The following PTAFR variants were observed in gnomAD, a reference collection of about 807,000 sequenced individuals.
PTAFR encodes platelet activating factor receptor, also known as platelet-activating factor receptor.
PTAFR carries 8 observed loss-of-function variants against 14.7 expected under a neutral mutation model. The observed-to-expected ratio is 0.54, with a 90% CI of 0.32 to 0.98. The LOEUF is 0.98. PTAFR is among the 50% of genes least tolerant of loss of function. The pLI is 0.04. For missense variants in PTAFR, 337 were observed against 451.2 expected, an observed-to-expected ratio of 0.75 and a Z score of 2.29; for synonymous variants, 156 against 176.5, an observed-to-expected ratio of 0.88 and a Z score of 0.92.
At position 28,150,305 on chromosome 1, in the gene PTAFR, C is replaced by T. The variant is rs750271098; in HGVS notation, c.717G>A (p.Ala239=). The change falls in exon 2 of 2, where the codon GCG becomes GCA. Residue 239 remains alanine (A), a synonymous_variant. Coordinates refer to ENST00000373857, the MANE Select transcript of PTAFR (RefSeq NM_000952.5). The surrounding 1 kb of genome is among the most constrained non-coding windows in gnomAD (Gnocchi z 6.3). ...RALWMVCTVL[A]VFIICFVPHH... ...GGGGCACGAAGCAGATGATGAACAC[C>T]GCCAAGACCGTGCACACCATCCACA... 192 of 1,613,212 alleles carry T rather than the reference C, an allele frequency of 1.2e-4. 2 individuals carry two copies. The Admixed American group carries it at 1.5e-3, about 12-fold the overall frequency.
intron 1 of PTAFR, among the ~76,000 whole-genome samples, chr1:28,162,829 CAAAAAAAAAAA>C (rs529755155): frequency 7.8e-4 from 46 of 59,158 alleles, no homozygotes; most frequent in African/African-American, 2.6e-3. Flanking sequence ...ACTTTGTCTC[CAAAAAAAAAAA>C]AAAAAAAAAA....
chr1:28,178,165 G>A (rs1267182990), upstream of PTAFR, among the ~76,000 whole-genome samples: 3 of 152,194 alleles, frequency 2.0e-5, no homozygotes, highest in African/African-American at 4.8e-5. Flanking sequence ...TCCAGTCTCA[G>A]CTCCGCTCTG....
At chr1:28,189,683 CT>C (rs1221025683) in intron 1 of PTAFR, among the ~76,000 whole-genome samples, 1 of 151,240 alleles carries the variant, frequency 6.6e-6, no homozygotes, top group Non-Finnish European at 1.5e-5. Flanking sequence ...ATAAATTATA[CT>C]TTTTGAGACA....
rs186472540 is a variant in PTAFR at position 28,170,723 on chromosome 1, C to T, written c.-39+5869G>A. The stretch of plus-strand genomic sequence containing the variant: ...TCTCTTAAAAATAAAAATAAGGGCC[C>T]GGCGCGGTGGCTCACGCCTGTAATC... On this transcript the variant is annotated intron_variant, in intron 1 of 1. Transcript: ENST00000373857. Among the ~76,000 whole-genome samples the T allele has an allele frequency of 6.2e-3, 918 of 147,996 alleles. 5 individuals carry two copies. The highest frequency in any genetic ancestry group is 0.013 in the African/African-American group (527 of 39,924).
rs1646477384 is a variant in PTAFR at position 28,173,585 on chromosome 1, A to G, written c.-39+3007T>C. Among the ~76,000 whole-genome samples, 4 of 150,438 alleles carry G rather than the reference A, an allele frequency of 2.7e-5. No individual in the cohort carries two copies. In the Admixed American group the frequency reaches 2.7e-4, roughly 10 times the overall value. ...AGGACTGCTTGAGCCCAGGAGATCG[A>G]GGCTGCAGTGAGGTGTGATCACGCC... On this transcript the variant is annotated intron_variant, in intron 1 of 1. Transcript: ENST00000373857.
chr1:28,169,334 A>G (rs1646427356), intron 1 of PTAFR, among the ~76,000 whole-genome samples: 1 of 152,190 alleles, frequency 6.6e-6, no homozygotes, highest in South Asian at 2.1e-4. Flanking sequence ...AGAGACGACA[A>G]ATTTGAAAGT....
chr1:28,187,065 A>G (rs939181450), intron 1 of PTAFR, among the ~76,000 whole-genome samples: 3 of 152,238 alleles, frequency 2.0e-5, no homozygotes, highest in African/African-American at 7.2e-5. Flanking sequence ...TTCTGGGATT[A>G]CAGGCGTGAG....
At chr1:28,169,275 T>C (rs1646426423) in intron 1 of PTAFR, among the ~76,000 whole-genome samples, 1 of 151,080 alleles carries the variant, frequency 6.6e-6, no homozygotes, top group African/African-American at 2.4e-5. Context: ...AGTAAATTTA[T>C]GTTACGGTTT....
At chr1:28,156,060 G>A (rs535983317) in intron 1 of PTAFR, among the ~76,000 whole-genome samples, 6 of 151,814 alleles carry the variant, frequency 4.0e-5, no homozygotes, top group South Asian at 2.1e-4. Flanking sequence ...TCAGGAGTTC[G>A]AGACCAGCCT....
chr1:28,170,794 A>G (rs1272198073), intron 1 of PTAFR, among the ~76,000 whole-genome samples: 1 of 151,848 alleles, frequency 6.6e-6, no homozygotes, highest in African/African-American at 2.4e-5. Context: ...AGATCAGGAG[A>G]TCGAGACCAT....
intron 1 of PTAFR, among the ~76,000 whole-genome samples, chr1:28,172,467 A>G (rs926767154): frequency 6.6e-6 from 1 of 152,148 alleles, no homozygotes; most frequent in Non-Finnish European, 1.5e-5. Flanking sequence ...CTGAGTCTGC[A>G]CCTGGGTCTG....
chr1:28,180,079 C>T (rs1468012889), upstream of PTAFR, among the ~76,000 whole-genome samples: 5 of 152,100 alleles, frequency 3.3e-5, no homozygotes, highest in African/African-American at 4.8e-5. Context: ...GAAGCTGAGG[C>T]GGAAGGATCC....
intron 1 of PTAFR, among the ~76,000 whole-genome samples, chr1:28,187,908 G>C (rs1646619902): frequency 6.6e-6 from 1 of 152,222 alleles, no homozygotes; most frequent in Non-Finnish European, 1.5e-5. Context: ...GCCAGGTGCA[G>C]TGGCTCACAC....
intron 1 of PTAFR, among the ~76,000 whole-genome samples, chr1:28,184,258 G>A (rs1255055341): frequency 6.6e-6 from 1 of 150,924 alleles, no homozygotes; most frequent in Non-Finnish European, 1.5e-5. Context: ...ACGCCCAACT[G>A]ATTTTTGTAT....
chr1:28,167,184 G>C (rs1363331716), intron 1 of PTAFR, among the ~76,000 whole-genome samples: 1 of 152,148 alleles, frequency 6.6e-6, no homozygotes, highest in African/African-American at 2.4e-5. Flanking sequence ...CTGTGGATGG[G>C]AGAAAAGGCA....
intron 1 of PTAFR, among the ~76,000 whole-genome samples, chr1:28,157,619 CATTA>C (rs1281469500): frequency 6.7e-6 from 1 of 150,152 alleles, no homozygotes; most frequent in African/African-American, 2.5e-5. Flanking sequence ...ATTTTTTTTG[CATTA>C]ATTTTGATTT....
At chr1:28,163,208 G>A (rs1056268902) in intron 1 of PTAFR, among the ~76,000 whole-genome samples, 5 of 152,062 alleles carry the variant, frequency 3.3e-5, no homozygotes, top group African/African-American at 4.8e-5. Flanking sequence ...TTCCCTGATC[G>A]CCACAGGCAA....
At chr1:28,172,851 G>A (rs544173361) in intron 1 of PTAFR, among the ~76,000 whole-genome samples, 1 of 152,190 alleles carries the variant, frequency 6.6e-6, no homozygotes, top group East Asian at 1.9e-4. Flanking sequence ...GCAAAATGCG[G>A]TGCCTGTGCC....
At chr1:28,193,061 G>A (rs907245342) in intron 1 of PTAFR, among the ~76,000 whole-genome samples, 2 of 152,164 alleles carry the variant, frequency 1.3e-5, no homozygotes, top group Non-Finnish European at 2.9e-5. Context: ...GCATGAGCTC[G>A]GGAGGGTAAG....
Sources: gnomAD v4.1 joint callset for allele counts (sites outside exome capture counted in the v4.1 genomes callset) on GRCh38, gnomAD v4.1.1 for gene constraint, Gnocchi (gnomAD v3.1) non-coding constraint, MANE v1.5 for transcripts, NCBI Gene and HGNC (gene_info 2026-07-23, HGNC 2026-07-21) for gene names.